Variants in TAPT1 observed in about 807,000 individuals in gnomAD.
The protein encoded by TAPT1 is transmembrane anterior posterior transformation protein 1 homolog.
A neutral mutation model predicts 65.6 loss-of-function variants in TAPT1; 28 were observed. The observed-to-expected ratio is 0.43, with a 90% CI of 0.32 to 0.59. The LOEUF is 0.59. Ranked by LOEUF, TAPT1 falls within the 20% of genes least tolerant of loss-of-function variation. The pLI is 0.09. For missense variants in TAPT1, 563 were observed against 679.9 expected, an observed-to-expected ratio of 0.83 and a Z score of 1.91; for synonymous variants, 278 against 245.2, an observed-to-expected ratio of 1.13 and a Z score of -1.25.
intron 11 of TAPT1, among the ~76,000 whole-genome samples, chr4:16,173,195 A>C (rs1290047465): frequency 6.6e-6 from 1 of 151,666 alleles, no homozygotes; most frequent in Non-Finnish European, 1.5e-5. Flanking sequence ...CAGCCAGCAA[A>C]TTTTTTTTTC....
intron 7 of TAPT1, among the ~76,000 whole-genome samples, chr4:16,183,357 T>C (rs922792310): frequency 1.3e-5 from 2 of 152,140 alleles, no homozygotes; most frequent in Admixed American, 1.3e-4. Flanking sequence ...CAAAATAAAG[T>C]CCAAATTTCT....
chr4:16,194,199 C>G (rs1749552004), intron 3 of TAPT1, among the ~76,000 whole-genome samples: 1 of 152,246 alleles, frequency 6.6e-6, no homozygotes, highest in Admixed American at 6.5e-5. Context: ...ACTTTTTGAA[C>G]CAAGCTGATA....
At chr4:16,210,816 G>GTAC (rs1306645372) in intron 2 of TAPT1, among the ~76,000 whole-genome samples, 1 of 152,132 alleles carries the variant, frequency 6.6e-6, no homozygotes, top group South Asian at 2.1e-4. Context: ...GAACCCAAGG[G>GTAC]GTTGTAGGGT....
At chr4:16,207,159 G>C (rs1750395201) in intron 2 of TAPT1, among the ~76,000 whole-genome samples, 1 of 152,234 alleles carries the variant, frequency 6.6e-6, no homozygotes, top group Non-Finnish European at 1.5e-5. Flanking sequence ...AGCAAGAGCT[G>C]CATTATGAGA....
At chr4:16,199,006 T>C (rs1406919419) in intron 3 of TAPT1, among the ~76,000 whole-genome samples, 1 of 152,170 alleles carries the variant, frequency 6.6e-6, no homozygotes, top group East Asian at 1.9e-4. Context: ...AATTACTCAA[T>C]TTTGATAAAC....
At chr4:16,217,174 G>A (rs1384641220) in intron 1 of TAPT1, among the ~76,000 whole-genome samples, 2 of 152,002 alleles carry the variant, frequency 1.3e-5, no homozygotes, top group African/African-American at 4.8e-5. Context: ...CCCCTACTCG[G>A]CTTCCACAGT....
At chr4:16,215,863 A>G (rs539678084) in intron 1 of TAPT1, among the ~76,000 whole-genome samples, 1 of 152,222 alleles carries the variant, frequency 6.6e-6, no homozygotes, top group Non-Finnish European at 1.5e-5. Context: ...CAAGGTGAGA[A>G]AAAGAAAACC....
At chr4:16,183,705 C>A (rs1328863883) in intron 7 of TAPT1, among the ~76,000 whole-genome samples, 1 of 152,156 alleles carries the variant, frequency 6.6e-6, no homozygotes, top group African/African-American at 2.4e-5. Flanking sequence ...GTTTCCACAA[C>A]AAACGAAATT....
intron 4 of TAPT1, chr4:16,190,867 T>C (rs1412499097): frequency 6.4e-6 from 1 of 155,198 alleles, no homozygotes; most frequent in Non-Finnish European, 1.5e-5. Context: ...TTATTTACCC[T>C]ATGTAAAGAT....
chr4:16,223,472 G>A (rs1751375059), intron 1 of TAPT1, among the ~76,000 whole-genome samples: 2 of 152,190 alleles, frequency 1.3e-5, no homozygotes, highest in Admixed American at 1.3e-4. Context: ...AACCACATAT[G>A]CAACAAGGAA....
chr4:16,179,436 T>C (rs888112426), intron 8 of TAPT1, 141 bp downstream of exon 8: 4 of 543,520 alleles, frequency 7.4e-6, no homozygotes, highest in East Asian at 3.3e-5. Flanking sequence ...AAGTGACAGA[T>C]GATTGTTTCA....
chr4:16,168,284 C>CT (rs1369071512), intron 12 of TAPT1, among the ~76,000 whole-genome samples: 6 of 152,078 alleles, frequency 3.9e-5, no homozygotes, highest in African/African-American at 1.4e-4. Flanking sequence ...AGCTAATTTT[C>CT]TTTTTTGTAG....
chr4:16,219,646 T>C (rs1751136417), intron 1 of TAPT1, among the ~76,000 whole-genome samples: 3 of 152,298 alleles, frequency 2.0e-5, no homozygotes, highest in Middle Eastern at 3.4e-3. Context: ...TGGCTTTATT[T>C]TAGGGATTAG....
At chr4:16,216,336 T>G (rs1041133275) in intron 1 of TAPT1, among the ~76,000 whole-genome samples, 1 of 152,222 alleles carries the variant, frequency 6.6e-6, no homozygotes, top group Admixed American at 6.5e-5. Flanking sequence ...TCCTCATCAT[T>G]CTTTCTTGTA....
chr4:16,191,444 G>A lies in TAPT1; in HGVS notation c.529C>T (p.His177Tyr). Reference sequence around the variant, plus strand: ...TACATCATGGAGTAGTCAACATAGTGCATCATAAAATAGCAGATTACCAAA... The same window carrying A: ...TACATCATGGAGTAGTCAACATAGTACATCATAAAATAGCAGATTACCAAA... ...VILVICYFMM[H>Y]YVDYSMMYHL... is the part of the protein sequence containing the mutation. Residue 177 changes from histidine to tyrosine, a missense_variant, in exon 4 of 14, where the codon CAC (histidine) becomes TAC (tyrosine). Coordinates refer to ENST00000405303, the MANE Select transcript of TAPT1 (RefSeq NM_153365.3). 2 of 1,582,876 alleles carry A rather than the reference G, an allele frequency of 1.3e-6. No individual in the cohort carries two copies. The highest frequency in any genetic ancestry group is 1.7e-6 in the Non-Finnish European group (2 of 1,163,852).
intron 3 of TAPT1, among the ~76,000 whole-genome samples, chr4:16,199,573 T>C (rs1749911681): frequency 6.6e-6 from 1 of 152,096 alleles, no homozygotes; most frequent in Admixed American, 6.6e-5. Context: ...CATCTTTTAG[T>C]TTTTAGAACA....
rs1260375136 is a variant in TAPT1 at position 16,162,080 on chromosome 4, T to TA, written c.*1227dup. 6.6e-6 allele frequency: 1 copy of TA among 152,264 alleles called. No individual in the cohort carries two copies. Among genetic ancestry groups the TA allele is most frequent in the Non-Finnish European group, 1.5e-5 (1 of 68,024 alleles). 9.4% of individuals were successfully genotyped at this position (152,264 alleles called of 1,614,324 possible). On this transcript the variant is annotated 3_prime_UTR_variant, in exon 14 of 14. Transcript: ENST00000405303. ...GCGGAAACACAATCTTCATCTCAAA[T>TA]AAAACCAAAAAGCACCTTTTGGTTG...
chr4:16,169,161 A>G (rs1425676446), intron 12 of TAPT1, among the ~76,000 whole-genome samples: 1 of 152,234 alleles, frequency 6.6e-6, no homozygotes, highest in Non-Finnish European at 1.5e-5. Flanking sequence ...GTGAGTAAGC[A>G]GATCTGGCTG....
intron 4 of TAPT1, chr4:16,190,327 C>T (rs904963902): frequency 6.6e-6 from 1 of 151,936 alleles, no homozygotes; most frequent in African/African-American, 2.4e-5. Context: ...AATATAAAAA[C>T]GCAATTTGAA....
Sources: gnomAD v4.1 joint callset for allele counts (sites outside exome capture counted in the v4.1 genomes callset) on GRCh38, gnomAD v4.1.1 for gene constraint, MANE v1.5 for transcripts, NCBI Gene and HGNC (gene_info 2026-07-23, HGNC 2026-07-21) for gene names.